RBFOX2: variants seen among roughly 807,000 people sequenced by gnomAD.
RBFOX2 encodes RNA binding protein fox-1 homolog 2.
RBFOX2 carries 10 observed loss-of-function variants against 49.1 expected under a neutral mutation model. The observed-to-expected ratio is 0.20, with a 90% confidence interval of 0.13 to 0.35. RBFOX2 has a LOEUF of 0.35. Among genes scored for constraint, RBFOX2 ranks in the 10% least tolerant of loss-of-function variants. RBFOX2 has a pLI of 1.00. For missense variants in RBFOX2, 323 were observed against 486.9 expected (o/e 0.66, Z 3.17); for synonymous variants, 183 against 187.4 (o/e 0.98, Z 0.19).
At chr22:35,950,643 G>C (rs756532057) in intron 1 of RBFOX2, among the ~76,000 whole-genome samples, 3 of 152,148 alleles carry the variant, frequency 2.0e-5, no homozygotes, top group African/African-American at 7.2e-5. Flanking sequence ...GCTGGTATAA[G>C]TCCATAGGGA....
chr22:35,794,522 G>A (rs542424400), intron 2 of RBFOX2, among the ~76,000 whole-genome samples: 1 of 152,042 alleles, frequency 6.6e-6, no homozygotes, highest in South Asian at 2.1e-4. Flanking sequence ...GCCAGGCGTG[G>A]TGGTGGGCAC....
chr22:35,835,112 G>GTATTTA (rs1957420282), intron 1 of RBFOX2, among the ~76,000 whole-genome samples: 1 of 152,158 alleles, frequency 6.6e-6, no homozygotes, highest in Admixed American at 6.5e-5. Flanking sequence ...CTGCAGGGGA[G>GTATTTA]CCTTGTATTT....
intron 9 of RBFOX2, among the ~76,000 whole-genome samples, chr22:35,751,443 G>A (rs1361187471): frequency 6.6e-6 from 1 of 152,180 alleles, no homozygotes; most frequent in Non-Finnish European, 1.5e-5. Context: ...AATGGCAGGT[G>A]TGATGCTGAA....
intron 1 of RBFOX2, among the ~76,000 whole-genome samples, chr22:35,816,292 C>T (rs1042946068): frequency 1.3e-5 from 2 of 152,066 alleles, no homozygotes; most frequent in African/African-American, 4.8e-5. Flanking sequence ...AGTCTAAAGA[C>T]AACCAAGCTA....
upstream of RBFOX2, among the ~76,000 whole-genome samples, chr22:35,842,645 C>G (rs867342960): frequency 6.6e-6 from 1 of 152,050 alleles, no homozygotes; most frequent in Non-Finnish European, 1.5e-5. Context: ...GTTTATTACA[C>G]TATTCTTGAC....
At chr22:35,822,502 C>A (rs1044336178) in intron 1 of RBFOX2, among the ~76,000 whole-genome samples, 3 of 152,144 alleles carry the variant, frequency 2.0e-5, no homozygotes, top group Admixed American at 6.5e-5. Context: ...ATGATCCTCA[C>A]GTACTGGTAA....
intron 1 of RBFOX2, among the ~76,000 whole-genome samples, chr22:35,908,623 T>G (rs2049397388): frequency 6.6e-6 from 1 of 152,212 alleles, no homozygotes; most frequent in Non-Finnish European, 1.5e-5. Context: ...AGAACCATTC[T>G]AAGTTGTGGA....
At chr22:35,848,375 C>A (rs1461560572) in intron 1 of RBFOX2, among the ~76,000 whole-genome samples, 1 of 151,932 alleles carries the variant, frequency 6.6e-6, no homozygotes, top group Admixed American at 6.6e-5. Flanking sequence ...TTGAATAATC[C>A]AAAATAACAG....
intron 1 of RBFOX2, among the ~76,000 whole-genome samples, chr22:35,885,843 ATT>A (rs538674450): frequency 1.9e-3 from 159 of 83,092 alleles, no homozygotes; most frequent in African/African-American, 7.1e-3. Context: ...CCCAAACCTA[ATT>A]TTTTTTTTTT....
chr22:35,786,930 C>G (rs1946524201), intron 2 of RBFOX2, among the ~76,000 whole-genome samples: 1 of 152,188 alleles, frequency 6.6e-6, no homozygotes, highest in Admixed American at 6.5e-5. Flanking sequence ...AACCCCACCC[C>G]TCTCTTACCT....
intron 1 of RBFOX2, among the ~76,000 whole-genome samples, chr22:35,983,389 G>A (rs1431633590): frequency 6.6e-6 from 1 of 152,132 alleles, no homozygotes; most frequent in African/African-American, 2.4e-5. Context: ...ACAGGAAAGG[G>A]ATATAGTAAG....
rs574500544 is a variant in RBFOX2, at chr22:35,757,481, C to T, written c.887+2407G>A. On this transcript the variant is annotated intron_variant, in intron 9 of 11. Coordinates refer to ENST00000405409, the Ensembl canonical transcript of RBFOX2. ...CTAAACAAGCTGGAAATTTTCACCA[C>T]TACCTTCTCTGTTACAATAAACAAG... Among the ~76,000 whole-genome samples, 64 of 152,276 alleles carry T rather than the reference C, an allele frequency of 4.2e-4. 1 individual carries two copies. Among genetic ancestry groups the T allele is most frequent in the Middle Eastern group, 3.4e-3 (1 of 294 alleles).
At chr22:35,781,520 G>A in intron 3 of RBFOX2, 80 bp downstream of exon 4, 1 of 1,502,526 alleles carries the variant, frequency 6.7e-7, no homozygotes, top group Non-Finnish European at 9.0e-7. Flanking sequence ...TAATCCTAAA[G>A]TAATAATGAC....
intron 1 of RBFOX2, among the ~76,000 whole-genome samples, chr22:36,016,191 G>GA (rs1464363264): frequency 1.3e-5 from 2 of 151,658 alleles, no homozygotes; most frequent in African/African-American, 2.4e-5. Flanking sequence ...ATTTGTATGG[G>GA]AAAAAGCTTC....
At chr22:35,897,732 A>T (rs2048037532) in intron 1 of RBFOX2, 1 of 814,550 alleles carries the variant, frequency 1.2e-6, no homozygotes, top group Non-Finnish European at 2.2e-6. Flanking sequence ...GGGGTATAGC[A>T]CCAAACCAAC....
At chr22:35,969,083 G>A (rs913316609) in intron 1 of RBFOX2, among the ~76,000 whole-genome samples, 3 of 152,090 alleles carry the variant, frequency 2.0e-5, no homozygotes, top group Admixed American at 6.5e-5. Flanking sequence ...AGACAGCAGA[G>A]AGCAGTAAAG....
intron 1 of RBFOX2, among the ~76,000 whole-genome samples, chr22:35,855,802 A>T (rs2042446072): frequency 6.6e-6 from 1 of 151,434 alleles, no homozygotes; most frequent in South Asian, 2.1e-4. Flanking sequence ...AGGCAGGCGG[A>T]CTGCCTAAGT....
chr22:35,781,659 G>A, exon 3 of RBFOX2: 1 of 1,614,218 alleles, frequency 6.2e-7, no homozygotes, highest in Non-Finnish European at 8.5e-7. Flanking sequence ...GAGACATGCA[G>A]CCGTTTCGGG....
chr22:35,939,890 C>T (rs1409541135), upstream of RBFOX2, among the ~76,000 whole-genome samples: 1 of 152,090 alleles, frequency 6.6e-6, no homozygotes, highest in Non-Finnish European at 1.5e-5. Context: ...TTCAAGGGAA[C>T]TTTTAAATGA....
Sources: gnomAD v4.1 joint callset for allele counts (sites outside exome capture counted in the v4.1 genomes callset) on GRCh38, gnomAD v4.1.1 for gene constraint, MANE v1.5 for transcripts, NCBI Gene and HGNC (gene_info 2026-07-23, HGNC 2026-07-21) for gene names.